Variants in REV3L observed in about 807,000 individuals in gnomAD.
REV3L encodes DNA polymerase zeta catalytic subunit.
REV3L carries 69 observed loss-of-function variants against 299.4 expected under a neutral mutation model. That is an observed-to-expected ratio of 0.23 (90% confidence interval 0.19 to 0.28). The LOEUF is 0.28. Ranked by LOEUF, REV3L falls within the 10% of genes least tolerant of loss-of-function variation. REV3L has a pLI of 1.00. For missense variants in REV3L, 3,128 were observed against 3,693.8 expected (o/e 0.85, Z 3.97); for synonymous variants, 1,238 against 1,271.4 (o/e 0.97, Z 0.56).
chr6:111,423,567 T>C (rs1785819710), intron 1 of REV3L, among the ~76,000 whole-genome samples: 1 of 152,068 alleles, frequency 6.6e-6, no homozygotes, highest in African/African-American at 2.4e-5. Context: ...AAAGTCTGTG[T>C]TTTTGTGTGT....
At chr6:111,422,689 T>C (rs1383072663) in intron 1 of REV3L, among the ~76,000 whole-genome samples, 2 of 125,914 alleles carry the variant, frequency 1.6e-5, no homozygotes, top group Non-Finnish European at 3.5e-5. Context: ...CGTATATATA[T>C]ATATATATAT....
rs370544186 is a variant in REV3L at position 111,299,986 on chromosome 6, T to C, written c.*30A>G. On this transcript the variant is annotated 3_prime_UTR_variant, in exon 32 of 32. Transcript: ENST00000368802. Reference sequence around the variant, plus strand: ...GTTTAGTGGTAAGCACTGAAAAAAATAGCACCTGTAATACTGTGATATTGA... The same window carrying C: ...GTTTAGTGGTAAGCACTGAAAAAAACAGCACCTGTAATACTGTGATATTGA... 6.7e-5 allele frequency: 107 copies of C among 1,591,880 alleles called. No homozygotes were observed. The highest frequency in any genetic ancestry group is 3.6e-4 in the South Asian group (31 of 86,950).
At chr6:111,308,547 C>T (rs1270969925) in intron 30 of REV3L, among the ~76,000 whole-genome samples, 1 of 152,146 alleles carries the variant, frequency 6.6e-6, no homozygotes, top group Admixed American at 6.5e-5. Context: ...TTCGCACCAT[C>T]GTTAAGTAGA....
intron 1 of REV3L, among the ~76,000 whole-genome samples, chr6:111,443,748 T>C (rs555568014): frequency 6.6e-6 from 1 of 152,334 alleles, no homozygotes; most frequent in East Asian, 1.9e-4. Flanking sequence ...TCAGTAGCTA[T>C]CCTTTCACTG....
intron 13 of REV3L, among the ~76,000 whole-genome samples, chr6:111,370,079 C>T (rs921918491): frequency 6.6e-6 from 1 of 152,154 alleles, no homozygotes; most frequent in Non-Finnish European, 1.5e-5. Flanking sequence ...GATCTGCCCA[C>T]CTTGGCCTCC....
chr6:111,464,007 A>G (rs1275258252), intron 1 of REV3L, among the ~76,000 whole-genome samples: 1 of 152,176 alleles, frequency 6.6e-6, no homozygotes, highest in Non-Finnish European at 1.5e-5. Context: ...ATCTAAATAA[A>G]TGAATTAGCT....
At chr6:111,473,120 A>G (rs1448079999) in intron 1 of REV3L, among the ~76,000 whole-genome samples, 2 of 152,206 alleles carry the variant, frequency 1.3e-5, no homozygotes, top group South Asian at 2.1e-4. Flanking sequence ...TTCTTACTTT[A>G]TAAGTAAGTT....
intron 31 of REV3L, 63 bp from the exon 32 acceptor site, chr6:111,300,219 A>G: frequency 7.6e-7 from 1 of 1,309,696 alleles, no homozygotes; most frequent in African/African-American, 1.5e-5. Flanking sequence ...TGCAAACAAC[A>G]AATTTTTATA....
intron 2 of REV3L, chr6:111,411,836 G>T (rs1384377279): frequency 1.1e-5 from 3 of 269,864 alleles, no homozygotes; most frequent in African/African-American, 6.9e-5. Context: ...TGGACAAAAA[G>T]GAAGAACAAA....
chr6:111,449,241 T>C (rs531989986), intron 1 of REV3L, among the ~76,000 whole-genome samples: 3 of 152,160 alleles, frequency 2.0e-5, no homozygotes, highest in Admixed American at 6.5e-5. Context: ...GAAACAAACA[T>C]TGTAAGTCCT....
intron 3 of REV3L, among the ~76,000 whole-genome samples, chr6:111,410,664 G>A (rs1265121775): frequency 6.6e-6 from 1 of 152,210 alleles, no homozygotes; most frequent in Non-Finnish European, 1.5e-5. Context: ...ATTGGGAATA[G>A]AGCTGTGCTT....
At chr6:111,336,648 T>A (rs1014028772) in intron 21 of REV3L, among the ~76,000 whole-genome samples, 5 of 152,054 alleles carry the variant, frequency 3.3e-5, no homozygotes, top group African/African-American at 4.8e-5. Context: ...AGTTACCATA[T>A]AATCCACCAA....
rs1403808439 is a variant in REV3L at position 111,372,658 on chromosome 6, C to T, written c.5697G>A (p.Leu1899=). The T allele has an allele frequency of 6.4e-7, 1 of 1,558,022 alleles. No individual in the cohort carries two copies. The highest frequency in any genetic ancestry group is 2.2e-5 in the East Asian group (1 of 44,486). The change falls in exon 13 of 32, where the codon CTG becomes CTA. Residue 1899 remains leucine (L), a synonymous_variant. Coordinates refer to ENST00000368802, the MANE Select transcript of REV3L (RefSeq NM_001372078.1). ...EIMATLLDHD[L]SETIYQEPFC... is the part of the protein sequence containing the mutation. ...ATGGTTCCTGGTAAATAGTCTCAGACAGGTCATGATCCAACAAAGTTGCCA... is the reference window on the plus strand; with the variant it reads ...ATGGTTCCTGGTAAATAGTCTCAGATAGGTCATGATCCAACAAAGTTGCCA...
At chr6:111,402,592 A>G (rs1783201393) in intron 4 of REV3L, among the ~76,000 whole-genome samples, 1 of 152,160 alleles carries the variant, frequency 6.6e-6, no homozygotes, top group African/African-American at 2.4e-5. Flanking sequence ...TTTTAGCAGA[A>G]GGGCTGATCC....
intron 22 of REV3L, 22 bp from the exon 23 acceptor site, chr6:111,333,389 A>C (rs1268305659): frequency 6.2e-7 from 1 of 1,610,996 alleles, no homozygotes; most frequent in Admixed American, 1.7e-5. Flanking sequence ...AAGGGAGGTG[A>C]GAAGAGAAGA....
chr6:111,405,108 TAA>T (rs879801110), intron 4 of REV3L, among the ~76,000 whole-genome samples: 7 of 144,390 alleles, frequency 4.8e-5, no homozygotes, highest in Admixed American at 7.0e-5. Context: ...GGTCTGAGGT[TAA>T]AAAAAAAAAA....
At chr6:111,418,019 GTC>G (rs1274683273) in intron 1 of REV3L, among the ~76,000 whole-genome samples, 3 of 152,136 alleles carry the variant, frequency 2.0e-5, no homozygotes, top group African/African-American at 7.2e-5. Context: ...ATATTAATGA[GTC>G]TTAATAGATT....
chr6:111,300,473 A>G (rs1415827626), intron 31 of REV3L, among the ~76,000 whole-genome samples: 1 of 152,240 alleles, frequency 6.6e-6, no homozygotes, highest in Non-Finnish European at 1.5e-5. Flanking sequence ...TGTCTCTTAC[A>G]TGAACTATAA....
At chr6:111,302,605 C>CA (rs1234464226) in intron 31 of REV3L, among the ~76,000 whole-genome samples, 5 of 151,908 alleles carry the variant, frequency 3.3e-5, no homozygotes, top group African/African-American at 4.8e-5. Context: ...CTTTCTTGTT[C>CA]AAAAAAAATT....
Sources: gnomAD v4.1 joint callset for allele counts (sites outside exome capture counted in the v4.1 genomes callset) on GRCh38, gnomAD v4.1.1 for gene constraint, MANE v1.5 for transcripts, NCBI Gene and HGNC (gene_info 2026-07-23, HGNC 2026-07-21) for gene names.